Variants in KCNAB2 observed in about 807,000 individuals in gnomAD.
KCNAB2 encodes voltage-gated potassium channel subunit beta-2.
In KCNAB2, 29 loss-of-function variants were observed where a neutral mutation model predicts 63.6. The ratio of observed to expected loss-of-function variants is 0.46; its 90% confidence interval spans 0.34 to 0.62. The LOEUF (loss-of-function observed/expected upper bound fraction) is 0.62, where lower values mean the gene tolerates loss of function less well. Among genes scored for constraint, KCNAB2 ranks in the 20% least tolerant of loss-of-function variants. The pLI, the probability that KCNAB2 is intolerant of heterozygous loss-of-function variation, is 0.01. For missense variants in KCNAB2, 359 were observed against 563.9 expected, an observed-to-expected ratio of 0.64 and a Z score of 3.68; for synonymous variants, 222 against 224.2, an observed-to-expected ratio of 0.99 and a Z score of 0.09.
In KCNAB2 at chr1:6,074,264, C is replaced by T. The variant is rs552156010; in HGVS notation, c.300+494C>T. ...TCCACTGTCCATTTCCCAGCTGCCG[C>T]GAACCGTGCGGATCGCAGTCAGATG... On this transcript the variant is annotated intron_variant, in intron 4 of 15. Transcript: ENST00000378083. The surrounding 1 kb of genome is among the most constrained non-coding windows in gnomAD (Gnocchi z 4.9). Among the ~76,000 whole-genome samples the T allele has an allele frequency of 1.1e-3, 167 of 152,336 alleles. 1 individual carries two copies. Among genetic ancestry groups the T allele is most frequent in the African/African-American group, 3.6e-3 (151 of 41,584 alleles).
chr1:6,049,006 C>CGCCTGCTTTA (rs1661174168), intron 1 of KCNAB2, among the ~76,000 whole-genome samples: 1 of 152,238 alleles, frequency 6.6e-6, no homozygotes, highest in East Asian at 1.9e-4. Flanking sequence ...CCAGGGTACC[C>CGCCTGCTTTA]GCCTGCTTTA....
At chr1:6,057,149 G>C (rs1661906349) in intron 2 of KCNAB2, among the ~76,000 whole-genome samples, 1 of 150,986 alleles carries the variant, frequency 6.6e-6, no homozygotes, top group Admixed American at 6.7e-5. Flanking sequence ...CTGGAAGCTG[G>C]TCTGAGGCTC....
intron 10 of KCNAB2, among the ~76,000 whole-genome samples, chr1:6,091,991 A>T (rs1160600341): frequency 6.6e-6 from 1 of 152,078 alleles, no homozygotes; most frequent in South Asian, 2.1e-4. Flanking sequence ...CCCACAGCTA[A>T]CGGCCCCAGG....
At chr1:6,008,044 G>C (rs114504039) in intron 1 of KCNAB2, among the ~76,000 whole-genome samples, 1,752 of 152,324 alleles carry the variant, frequency 0.012, 31 homozygotes, top group African/African-American at 0.039. Context: ...GAGCTGATGA[G>C]TGAGGGCCAG....
intron 2 of KCNAB2, among the ~76,000 whole-genome samples, chr1:6,055,819 G>A (rs1661775013): frequency 6.6e-6 from 1 of 152,226 alleles, no homozygotes; most frequent in South Asian, 2.1e-4. Flanking sequence ...CAGACCACCA[G>A]TTATTAAAGA....
At chr1:6,039,316 G>A (rs1660308764) in intron 1 of KCNAB2, among the ~76,000 whole-genome samples, 1 of 152,174 alleles carries the variant, frequency 6.6e-6, no homozygotes, top group Non-Finnish European at 1.5e-5. Flanking sequence ...AAGAGCATGG[G>A]ACCAGATTCA....
rs2100639440 is a variant in KCNAB2, at chr1:6,069,387, C to G, written c.219-3368C>G. On this transcript the variant is annotated intron_variant, in intron 2 of 15. Coordinates refer to ENST00000378083, the MANE Select transcript of KCNAB2 (RefSeq NM_001199862.2). This position sits in a 1 kb window ranked among gnomAD's most constrained non-coding sequence, Gnocchi z 5.4. Reference sequence around the variant, plus strand: ...CTTCCAGCTCCGGCCCTTCCCAAGTCTGAAGTGCAGTTTTTAGGGGTGTGC... The same window carrying G: ...CTTCCAGCTCCGGCCCTTCCCAAGTGTGAAGTGCAGTTTTTAGGGGTGTGC... Among the ~76,000 whole-genome samples the G allele has an allele frequency of 6.6e-6, 1 of 152,268 alleles. No individual in the cohort carries two copies. The highest frequency in any genetic ancestry group is 2.1e-4 in the South Asian group (1 of 4,820).
chr1:6,088,517 G>T (rs1342631313), intron 7 of KCNAB2, among the ~76,000 whole-genome samples: 1 of 151,682 alleles, frequency 6.6e-6, no homozygotes, highest in Non-Finnish European at 1.5e-5. Flanking sequence ...CAAAGCACTA[G>T]GATTGCAGGC....
rs1294016077 is a variant in KCNAB2 at position 6,086,981 on chromosome 1, G to A, written c.426-486G>A. Among the ~76,000 whole-genome samples the A allele has an allele frequency of 6.6e-6, 1 of 152,082 alleles. No homozygotes were observed. The highest frequency in any genetic ancestry group is 1.5e-5 in the Non-Finnish European group (1 of 68,018). ...GTCACATTCTGTAGGGAACGTTGCA[G>A]AGAGCTTCCCTGCCTGCCTCCCACC... is the stretch of plus-strand genomic sequence containing the variant. On this transcript the variant is annotated intron_variant, in intron 6 of 15. Coordinates refer to ENST00000378083, the MANE Select transcript of KCNAB2 (RefSeq NM_001199862.2). This position sits in a 1 kb window ranked among gnomAD's most constrained non-coding sequence, Gnocchi z 4.2.
intron 1 of KCNAB2, among the ~76,000 whole-genome samples, chr1:5,996,966 G>C (rs1027257070): frequency 6.6e-6 from 1 of 152,218 alleles, no homozygotes; most frequent in African/African-American, 2.4e-5. Context: ...AGCCTGGGCT[G>C]TTTCCCTGCC....
chr1:6,097,138 A>C, intron 14 of KCNAB2, 131 bp from the exon 15 acceptor site: 1 of 1,034,998 alleles, frequency 9.7e-7, no homozygotes, highest in Non-Finnish European at 1.4e-6. Context: ...CCAGCACTGC[A>C]GGGCTTCCTA....
intron 1 of KCNAB2, among the ~76,000 whole-genome samples, chr1:6,016,276 G>C (rs190786147): frequency 4.6e-5 from 7 of 152,194 alleles, no homozygotes; most frequent in Non-Finnish European, 4.4e-5. Flanking sequence ...CAACATCTCC[G>C]AGTGAGGGGT....
upstream of KCNAB2, among the ~76,000 whole-genome samples, chr1:6,033,031 G>A (rs1659744960): frequency 6.6e-6 from 1 of 152,214 alleles, no homozygotes; most frequent in Admixed American, 6.5e-5. Context: ...GAATAATTGG[G>A]AACACCTAAT....
chr1:6,056,325 G>A (rs756369993), intron 2 of KCNAB2, among the ~76,000 whole-genome samples: 6 of 152,278 alleles, frequency 3.9e-5, no homozygotes, highest in South Asian at 2.1e-4. Flanking sequence ...GATTACAGGC[G>A]TGAGCCACCG....
rs1663945536 is a variant in KCNAB2 at position 6,078,922 on chromosome 1, G to A, written c.301-3273G>A. ...GGTGCAGGGAGAGAGGATGGAAGCA[G>A]AGAGCTAGGAGGCTATTGTGAGAAA... On this transcript the variant is annotated intron_variant, in intron 4 of 15. Transcript: ENST00000378083. The surrounding 1 kb of genome is among the most constrained non-coding windows in gnomAD (Gnocchi z 4.2). Among the ~76,000 whole-genome samples the A allele has an allele frequency of 6.6e-6, 1 of 152,228 alleles. No individual in the cohort carries two copies. The highest frequency in any genetic ancestry group is 2.4e-5 in the African/African-American group (1 of 41,452).
intron 1 of KCNAB2, among the ~76,000 whole-genome samples, chr1:6,020,215 C>T (rs1013136992): frequency 3.9e-5 from 6 of 152,176 alleles, no homozygotes; most frequent in Non-Finnish European, 8.8e-5. Flanking sequence ...CAAATTGATT[C>T]GGTCGTTGAT....
In KCNAB2 at chr1:6,051,568, G is replaced by A. The variant is rs1026407906; in HGVS notation, c.32G>A (p.Arg11Gln). 82 of 1,533,564 alleles carry A rather than the reference G, an allele frequency of 5.3e-5. No individual in the cohort carries two copies. The highest frequency in any genetic ancestry group is 6.8e-5 in the African/African-American group (5 of 73,016). The allele number at this position is 1,533,564 out of a possible 1,614,324, so 95.0% of individuals were successfully genotyped here. A position where few individuals can be genotyped will look rare whatever the true frequency, so the allele number is the denominator to read the frequency against. The change falls in exon 2 of 16, where the codon CGG becomes CAG. Residue 11 changes from arginine to glutamine, a missense_variant. Arg to Gln is a conservative substitution (Grantham distance 43, BLOSUM62 1). Transcript: ENST00000378083. ...TCCATGACGTACAGCGAGAGTCTGC[G>A]GAGCGTGAGCAGCAGGTGCCACTCT... MLSMTYSESL[R>Q]SVSSRCHSEW... is the part of the protein sequence containing the mutation.
intron 6 of KCNAB2, chr1:6,085,858 C>T (rs1664653537): frequency 1.0e-6 from 1 of 987,358 alleles, no homozygotes; most frequent in South Asian, 4.7e-5. Flanking sequence ...TGTAAATCAC[C>T]CACCCAGCTC....
rs1446464308 is a variant in KCNAB2, at chr1:6,097,523, C to T, written c.1158+166C>T. ...TGGAGAGCTTGCTTTCCAGCAGGAA[C>T]AGACATGAACACTAACTGCACGAAA... On this transcript the variant is annotated intron_variant, in intron 15 of 15. Transcript: ENST00000378083. 5 of 1,200,612 alleles carry T rather than the reference C, an allele frequency of 4.2e-6. No individual in the cohort carries two copies. The Admixed American group carries it at 1.0e-4, about 24-fold the overall frequency. 74.4% of individuals were successfully genotyped at this position (1,200,612 alleles called of 1,614,324 possible). A position where few individuals can be genotyped will look rare whatever the true frequency, so the allele number is the denominator to read the frequency against.
Sources: allele counts gnomAD v4.1 joint callset (sites outside exome capture counted in the v4.1 genomes callset), GRCh38; gene constraint gnomAD v4.1.1; non-coding constraint Gnocchi (gnomAD v3.1); transcripts MANE v1.5; gene names NCBI Gene and HGNC (gene_info 2026-07-23, HGNC 2026-07-21).